NIPBL: variants seen among roughly 807,000 people sequenced by gnomAD.
The protein encoded by NIPBL is NIPBL cohesin loading factor.
In NIPBL, 19 loss-of-function variants were observed where a neutral mutation model predicts 321.8. The ratio of observed to expected loss-of-function variants is 0.06; its 90% CI spans 0.04 to 0.09. The LOEUF (loss-of-function observed/expected upper bound fraction) is 0.09, where lower values mean the gene tolerates loss of function less well. Among genes scored for constraint, NIPBL ranks in the 10% least tolerant of loss-of-function variants. The probability of loss-of-function intolerance (pLI) is 1.00; values close to 1 mark genes in which losing one functional copy is unlikely to be tolerated. For missense variants in NIPBL, 2,210 were observed against 3,327.0 expected (o/e 0.66, Z 8.26); for synonymous variants, 1,106 against 1,114.1 (o/e 0.99, Z 0.14).
At chr5:36,937,036 A>G (rs1738510289) in intron 1 of NIPBL, among the ~76,000 whole-genome samples, 1 of 152,146 alleles carries the variant, frequency 6.6e-6, no homozygotes, top group African/African-American at 2.4e-5. Flanking sequence ...ATTATAAAAT[A>G]TTACCCAGAA....
chr5:36,984,889 T>G lies in NIPBL; in HGVS notation c.1709T>G (p.Ile570Ser). The G allele has an allele frequency of 6.2e-7, 1 of 1,613,756 alleles. No homozygotes were observed. Among genetic ancestry groups the G allele is most frequent in the Non-Finnish European group, 8.5e-7 (1 of 1,179,850 alleles). ...GACTCCATAAAAAAGCCTGAAGAAA[T>G]CAAACAATGTAATGATGCACCTGTT... is the stretch of plus-strand genomic sequence containing the variant. The part of the protein sequence containing the change: ...DSDSIKKPEE[I>S]KQCNDAPVSV... The change falls in exon 10 of 47, where the codon ATC becomes AGC. Residue 570 changes from isoleucine to serine, a missense_variant. Ile to Ser is a moderately radical substitution (Grantham distance 142). This residue lies in a region of NIPBL where 588 missense variants were observed against 564.1 expected (regional missense o/e 1.04). Coordinates refer to ENST00000282516, the MANE Select transcript of NIPBL (RefSeq NM_133433.4).
intron 1 of NIPBL, among the ~76,000 whole-genome samples, chr5:36,927,977 C>T (rs960535500): frequency 1.3e-5 from 2 of 151,868 alleles, no homozygotes; most frequent in East Asian, 1.9e-4. Flanking sequence ...CCACCATGCC[C>T]GGCTGCAGTG....
Position 36,975,922 on chromosome 5 carries a change from A to G in NIPBL, c.1015A>G (p.Ser339Gly). Residue 339 changes from serine (S) to glycine (G), a missense_variant, in exon 9 of 47, where the codon AGT becomes GGT. Physicochemically the swap from Ser to Gly is moderately conservative, Grantham distance 56. Around this residue, in one of 14 missense-constraint regions of NIPBL, gnomAD observed 464 missense variants for 529.5 expected, o/e 0.88. Coordinates refer to ENST00000282516, the MANE Select transcript of NIPBL (RefSeq NM_133433.4). ...ATTAGGCAAGGATGAAAAAGAGCAG[A>G]GTGAGAAAGCGGCAATGTATGATAT... is the stretch of plus-strand genomic sequence containing the variant. ...MKLGKDEKEQ[S>G]EKAAMYDIIS... 6.2e-7 allele frequency: 1 copy of G among 1,613,660 alleles called. No homozygotes were observed. The highest frequency in any genetic ancestry group is 8.5e-7 in the Non-Finnish European group (1 of 1,179,682).
At chr5:36,980,307 G>T (rs1297671880) in intron 9 of NIPBL, among the ~76,000 whole-genome samples, 2 of 151,636 alleles carry the variant, frequency 1.3e-5, no homozygotes, top group African/African-American at 2.4e-5. Context: ...TTCAATTTTG[G>T]TGAAAATACA....
chr5:36,925,166 A>G (rs545636739), intron 1 of NIPBL, among the ~76,000 whole-genome samples: 6 of 152,260 alleles, frequency 3.9e-5, no homozygotes, highest in African/African-American at 1.2e-4. Flanking sequence ...GCTATCTATT[A>G]ATAGCATTGA....
chr5:36,928,177 T>C (rs1346966224), intron 1 of NIPBL, among the ~76,000 whole-genome samples: 1 of 152,196 alleles, frequency 6.6e-6, no homozygotes, highest in Non-Finnish European at 1.5e-5. Context: ...TAAGATGCCT[T>C]CCTACTTTAA....
chr5:37,036,383 T>G lies in NIPBL; in HGVS notation c.5867T>G (p.Leu1956Trp), dbSNP rs1224598778. Residue 1956 changes from leucine (L) to tryptophan (W), a missense_variant, in exon 33 of 47, where the codon TTG becomes TGG. Leu to Trp is a moderately conservative substitution (Grantham distance 61, BLOSUM62 -2). This residue lies in a region of NIPBL where 69 missense variants were observed against 100.8 expected (regional missense o/e 0.68). Transcript: ENST00000282516. ...TATATATATATGTATATATAGTTGT[T>G]GAAGTCCGAAGAGGATTCCTCATAT... is the stretch of plus-strand genomic sequence containing the variant. ...DWFEQLLQNL[L>W]KSEEDSSYKP... 2.5e-6 allele frequency: 3 copies of G among 1,205,254 alleles called. No individual in the cohort carries two copies. The highest frequency in any genetic ancestry group is 3.3e-6 in the Non-Finnish European group (3 of 913,546). The allele number at this position is 1,205,254 out of a possible 1,614,324, so 74.7% of individuals were successfully genotyped here.
chr5:37,022,388 T>C lies in NIPBL; in HGVS notation c.5572T>C (p.Leu1858=). The C allele has an allele frequency of 2.5e-6, 4 of 1,599,296 alleles. No individual in the cohort carries two copies. Among genetic ancestry groups the C allele is most frequent in the Non-Finnish European group, 3.4e-6 (4 of 1,169,492 alleles). Residue 1858 remains leucine, a splice_region_variant and synonymous_variant, in exon 29 of 47, where the codon TTG becomes CTG. Coordinates refer to ENST00000282516, the MANE Select transcript of NIPBL (RefSeq NM_133433.4). ...TTATGATATGCTGATTGAAAGAATA[T>C]TGGTATGTTTGTCATTTTTATAATG... ...QYYDMLIERI[L]DTGISVRKRV...
chr5:36,986,183 T>C lies in NIPBL; in HGVS notation c.3003T>C (p.Pro1001=). Residue 1001 remains proline (P), a synonymous_variant, in exon 10 of 47, where the codon CCT becomes CCC. Coordinates refer to ENST00000282516, the MANE Select transcript of NIPBL (RefSeq NM_133433.4). ...LVEDLNKGAK[P]VVVLQKLSLD... The stretch of plus-strand genomic sequence containing the variant: ...AAGATCTAAATAAAGGAGCTAAGCC[T>C]GTAGTTGTGCTACAAAAACTGTCTT... 1 of 1,610,588 alleles carries C rather than the reference T, an allele frequency of 6.2e-7. No homozygotes were observed. The highest frequency in any genetic ancestry group is 8.5e-7 in the Non-Finnish European group (1 of 1,178,908).
chr5:37,030,051 A>G (rs530603295), intron 32 of NIPBL, among the ~76,000 whole-genome samples: 13 of 152,334 alleles, frequency 8.5e-5, no homozygotes, highest in African/African-American at 2.6e-4. Context: ...TAAGAATTCA[A>G]TGTAATTATC....
At chr5:36,962,543 TAAG>T (rs891033706) in intron 6 of NIPBL, among the ~76,000 whole-genome samples, 16 of 152,300 alleles carry the variant, frequency 1.1e-4, no homozygotes, top group African/African-American at 3.8e-4. Context: ...GGTGTGAAAT[TAAG>T]AAGAACTGCG....
chr5:37,019,339 A>G lies in NIPBL; in HGVS notation c.4949A>G (p.Gln1650Arg). 1 of 1,612,978 alleles carries G rather than the reference A, an allele frequency of 6.2e-7. No individual in the cohort carries two copies. Among genetic ancestry groups the G allele is most frequent in the South Asian group, 1.1e-5 (1 of 91,046 alleles). ...TCAGGAGGGGAAGATGAAATCCAAC[A>G]ATTACAAAAAGCATTGCTTGATTAC... ...QVSGGEDEIQ[Q>R]LQKALLDYLD... is the part of the protein sequence containing the mutation. The change falls in exon 25 of 47, where the codon CAA becomes CGA. Residue 1650 changes from glutamine (Q) to arginine (R), a missense_variant. By Grantham distance (43) the Gln-to-Arg change is conservative. Coordinates refer to ENST00000282516, the MANE Select transcript of NIPBL (RefSeq NM_133433.4).
At chr5:37,049,945 T>A (rs537686577) in intron 40 of NIPBL, among the ~76,000 whole-genome samples, 1 of 152,304 alleles carries the variant, frequency 6.6e-6, no homozygotes, top group Non-Finnish European at 1.5e-5. Context: ...CATGGAACGT[T>A]TTAAAAATAT....
At chr5:37,058,756 C>T in intron 43 of NIPBL, 135 bp from the exon 44 acceptor site, 18 of 676,154 alleles carry the variant, frequency 2.7e-5, no homozygotes, top group South Asian at 1.1e-4. Flanking sequence ...ATTACATATC[C>T]AGTTGTTGAT....
chr5:36,896,878 G>T (rs1303448881), intron 1 of NIPBL, among the ~76,000 whole-genome samples: 1 of 152,118 alleles, frequency 6.6e-6, no homozygotes, highest in Non-Finnish European at 1.5e-5. Flanking sequence ...GGGATTACAG[G>T]CTTGACCCAC....
At chr5:37,001,309 G>T (rs1317552579) in intron 14 of NIPBL, among the ~76,000 whole-genome samples, 1 of 152,062 alleles carries the variant, frequency 6.6e-6, no homozygotes, top group Non-Finnish European at 1.5e-5. Context: ...GCTTAACTCA[G>T]TTACTCTAGA....
chr5:37,020,691 A>G lies in NIPBL; in HGVS notation c.5225+18A>G. 6.2e-7 allele frequency: 1 copy of G among 1,607,534 alleles called. No individual in the cohort carries two copies. Among genetic ancestry groups the G allele is most frequent in the African/African-American group, 1.3e-5 (1 of 74,950 alleles). On this transcript the variant is annotated intron_variant, in intron 26 of 46. Coordinates refer to ENST00000282516, the MANE Select transcript of NIPBL (RefSeq NM_133433.4). ...ACATTAAAGTAAGATCCAAGGAGAA[A>G]ACAGTTTACATTTATCTCCTTGATA...
At chr5:37,035,431 T>TA (rs1440978990) in intron 32 of NIPBL, among the ~76,000 whole-genome samples, 1 of 152,262 alleles carries the variant, frequency 6.6e-6, no homozygotes, top group Non-Finnish European at 1.5e-5. Context: ...TGTGTTATGT[T>TA]ACTCTGGTTG....
At chr5:37,028,567 C>A (rs1393423587) in intron 32 of NIPBL, among the ~76,000 whole-genome samples, 1 of 152,098 alleles carries the variant, frequency 6.6e-6, no homozygotes, top group Non-Finnish European at 1.5e-5. Context: ...TCTCAAACTC[C>A]TGACCTCAGG....
Sources: gnomAD v4.1 joint callset for allele counts (sites outside exome capture counted in the v4.1 genomes callset) on GRCh38, gnomAD v4.1.1 for gene constraint, gnomAD v4.1.1 regional missense constraint, MANE v1.5 for transcripts, NCBI Gene and HGNC (gene_info 2026-07-23, HGNC 2026-07-21) for gene names.